The following PIK3AP1 variants were observed in gnomAD, a reference collection of about 807,000 sequenced individuals.
PIK3AP1 encodes phosphoinositide-3-kinase adaptor protein 1.
A neutral mutation model predicts 88.1 loss-of-function variants in PIK3AP1; 21 were observed. That is an observed-to-expected ratio of 0.24 (90% CI 0.17 to 0.34). PIK3AP1 has a LOEUF of 0.34. PIK3AP1 is among the 10% of genes least tolerant of loss of function. The probability of loss-of-function intolerance (pLI) is 1.00; values close to 1 mark genes in which losing one functional copy is unlikely to be tolerated. For synonymous variants in PIK3AP1, 398 were observed against 400.0 expected (o/e 1.00, Z 0.06); for missense variants, 828 against 1,035.7 (o/e 0.80, Z 2.75).
intron 12 of PIK3AP1, chr10:96,618,601 AAAAG>A (rs1843033235): frequency 6.6e-6 from 1 of 152,594 alleles, no homozygotes; most frequent in Admixed American, 6.5e-5. Context: ...AAAAAAAAAA[AAAAG>A]AAAAAAAGAA....
chr10:96,616,705 G>A lies in PIK3AP1; in HGVS notation c.1948C>T (p.Leu650Phe). The A allele has an allele frequency of 1.2e-6, 2 of 1,614,154 alleles. No homozygotes were observed. The highest frequency in any genetic ancestry group is 1.7e-6 in the Non-Finnish European group (2 of 1,180,020). The change falls in exon 13 of 17, where the codon CTT becomes TTT. Residue 650 changes from leucine (L) to phenylalanine (F), a missense_variant. Transcript: ENST00000339364. ...SESFRFQQEN[L>F]KRLRDSITRR... ...GTGATGCTGTCTCTTAGCCGTTTAA[G>A]ATTTTCCTGGAAAAAAATTTGGTTT...
At chr10:96,622,873 C>T (rs181763995) in intron 11 of PIK3AP1, among the ~76,000 whole-genome samples, 606 of 152,312 alleles carry the variant, frequency 4.0e-3, no homozygotes, top group Middle Eastern at 0.017. Flanking sequence ...TCCCCAATGG[C>T]AAGCAAAATA....
chr10:96,610,985 C>G (rs895103403), intron 13 of PIK3AP1, among the ~76,000 whole-genome samples: 1 of 152,158 alleles, frequency 6.6e-6, no homozygotes, highest in Non-Finnish European at 1.5e-5. Context: ...CCACTTCCTC[C>G]TCCACCTCTA....
intron 8 of PIK3AP1, among the ~76,000 whole-genome samples, chr10:96,631,534 G>T (rs552534290): frequency 3.2e-4 from 49 of 152,308 alleles, no homozygotes; most frequent in African/African-American, 1.2e-3. Flanking sequence ...TCCACTTTGG[G>T]TACTATAACC....
rs776780994 is a variant in PIK3AP1, at chr10:96,629,930, A to AAAAAAAAAAGAAG, written c.1376-1438_1376-1437insCTTCTTTTTTTTT. On this transcript the variant is annotated intron_variant, in intron 8 of 16. Coordinates refer to ENST00000339364, the MANE Select transcript of PIK3AP1 (RefSeq NM_152309.3). Reference sequence around the variant, plus strand: ...CAACCAAAAAAAAAAAAAAAAAAAAAAAGAAGAAGAAGAAGAAGAAGAAGA... The same window carrying AAAAAAAAAAGAAG: ...CAACCAAAAAAAAAAAAAAAAAAAAAAAAAAAAAAGAAGAAGAAGAAGAAGAAGAAGAAGAAGA... Among the ~76,000 whole-genome samples, 82 of 13,676 alleles carry AAAAAAAAAAGAAG rather than the reference A, an allele frequency of 6.0e-3. 10 individuals carry two copies. Among genetic ancestry groups the AAAAAAAAAAGAAG allele is most frequent in the Non-Finnish European group, 9.9e-3 (60 of 6,054 alleles). The allele number at this position is 13,676 out of a possible 152,430, so 9.0% of individuals were successfully genotyped here. A position where few individuals can be genotyped will look rare whatever the true frequency, so the allele number is the denominator to read the frequency against.
rs143382090 is a variant in PIK3AP1, at chr10:96,596,317, C to T, written c.2361-683G>A. Reference sequence around the variant, plus strand: ...TGTCCCATGGAAACCACAATAAAAGCTCTTGTCCACATTTTCCCCTGCTCC... The same window carrying T: ...TGTCCCATGGAAACCACAATAAAAGTTCTTGTCCACATTTTCCCCTGCTCC... On this transcript the variant is annotated intron_variant, in intron 16 of 16. Transcript: ENST00000339364. Among the ~76,000 whole-genome samples, 10 of 152,292 alleles carry T rather than the reference C, an allele frequency of 6.6e-5. No individual in the cohort carries two copies. The East Asian group carries it at 1.9e-3, about 29-fold the overall frequency.
chr10:96,712,889 A>T (rs1281189657), intron 1 of PIK3AP1, among the ~76,000 whole-genome samples: 1 of 152,268 alleles, frequency 6.6e-6, no homozygotes, highest in African/African-American at 2.4e-5. Context: ...TATGCGTATC[A>T]TGTCAACAAT....
chr10:96,672,935 A>G (rs1462600662), intron 2 of PIK3AP1, among the ~76,000 whole-genome samples: 1 of 152,224 alleles, frequency 6.6e-6, no homozygotes, highest in African/African-American at 2.4e-5. Context: ...CACATGTGAC[A>G]GAGATGACTA....
At chr10:96,680,061 C>G (rs567642736) in intron 2 of PIK3AP1, among the ~76,000 whole-genome samples, 7 of 152,272 alleles carry the variant, frequency 4.6e-5, no homozygotes, top group African/African-American at 1.7e-4. Context: ...ATCTCCCTTA[C>G]CTTGCAACTC....
chr10:96,698,899 C>G (rs1459244797), intron 2 of PIK3AP1, among the ~76,000 whole-genome samples: 2 of 151,998 alleles, frequency 1.3e-5, no homozygotes, highest in African/African-American at 4.8e-5. Flanking sequence ...AATATTAGGC[C>G]CGGCGTAGTG....
Position 96,609,750 on chromosome 10 carries a change from C to T in PIK3AP1, c.2132G>A (p.Arg711Gln), listed in dbSNP as rs754633544. The T allele has an allele frequency of 2.5e-5, 41 of 1,614,064 alleles. No homozygotes were observed. The highest frequency in any genetic ancestry group is 3.3e-5 in the Non-Finnish European group (39 of 1,179,972). ...SVIPPRTELR[R>Q]GDWKTDSTSS... The stretch of plus-strand genomic sequence containing the variant: ...GGTGCTGTCTGTTTTCCAGTCTCCT[C>T]GTCTCAGCTCCGTCCTAGGGGGAAT... Residue 711 changes from arginine to glutamine, a missense_variant, in exon 14 of 17, where the codon CGA becomes CAA. By Grantham distance (43) the Arg-to-Gln change is conservative. This residue lies in a region of PIK3AP1 where 191 missense variants were observed against 208.6 expected (regional missense o/e 0.92). Transcript: ENST00000339364.
intron 1 of PIK3AP1, among the ~76,000 whole-genome samples, chr10:96,711,397 AC>A (rs1488925587): frequency 6.6e-6 from 1 of 152,260 alleles, no homozygotes. Flanking sequence ...CATGAATTCA[AC>A]AAACTGTTCT....
rs1167669803 is a variant in PIK3AP1, at chr10:96,625,125, A to G, written c.1669+1583T>C. 2.0e-5 allele frequency among the ~76,000 whole-genome samples: 3 copies of G among 152,232 alleles called. No individual in the cohort carries two copies. In the East Asian group the frequency reaches 5.8e-4, roughly 29 times the overall value. ...CCTAGGAATGACTAGAACACAATGT[A>G]GAATGCGCAACTAAGAATTCTCCCA... is the stretch of plus-strand genomic sequence containing the variant. On this transcript the variant is annotated intron_variant, in intron 10 of 16. Transcript: ENST00000339364.
At chr10:96,643,623 A>G (rs1175388533) in intron 8 of PIK3AP1, among the ~76,000 whole-genome samples, 2 of 152,192 alleles carry the variant, frequency 1.3e-5, no homozygotes, top group African/African-American at 4.8e-5. Context: ...CTGAATGGCA[A>G]ACACCTAACA....
intron 2 of PIK3AP1, among the ~76,000 whole-genome samples, chr10:96,682,980 A>G (rs1262757561): frequency 6.6e-6 from 1 of 152,340 alleles, no homozygotes; most frequent in East Asian, 1.9e-4. Flanking sequence ...ACTTAGTAAC[A>G]TACACTTATT....
intron 2 of PIK3AP1, among the ~76,000 whole-genome samples, chr10:96,688,525 G>C (rs143571555): frequency 6.6e-6 from 1 of 152,138 alleles, no homozygotes; most frequent in Non-Finnish European, 1.5e-5. Context: ...TAGGCTGGGC[G>C]CGGTGGCTCA....
At position 96,711,998 on chromosome 10, in the gene PIK3AP1, C is replaced by T. The variant is rs556868382; in HGVS notation, c.14-2015G>A. 2.6e-3 allele frequency among the ~76,000 whole-genome samples: 400 copies of T among 152,052 alleles called. 1 individual carries two copies. Among genetic ancestry groups the T allele is most frequent in the African/African-American group, 9.2e-3 (382 of 41,478 alleles). ...CTCGATCTCCTGACCTCGTGATCCACCCACCTCAGCCTCCCAAAGTGCTGG... is the reference window on the plus strand; with the variant it reads ...CTCGATCTCCTGACCTCGTGATCCATCCACCTCAGCCTCCCAAAGTGCTGG... On this transcript the variant is annotated intron_variant, in intron 1 of 16. Coordinates refer to ENST00000339364, the MANE Select transcript of PIK3AP1 (RefSeq NM_152309.3).
intron 8 of PIK3AP1, among the ~76,000 whole-genome samples, chr10:96,640,760 C>T (rs536388929): frequency 9.9e-5 from 15 of 151,902 alleles, no homozygotes; most frequent in Non-Finnish European, 1.6e-4. Context: ...CAGGCTCAAG[C>T]GATTCTCCCA....
chr10:96,630,884 G>T (rs920493169), intron 8 of PIK3AP1, among the ~76,000 whole-genome samples: 3 of 152,076 alleles, frequency 2.0e-5, no homozygotes, highest in African/African-American at 7.2e-5. Context: ...TATTCTACAG[G>T]TGTGTGCCCT....
Sources: gnomAD v4.1 joint callset for allele counts (sites outside exome capture counted in the v4.1 genomes callset) on GRCh38, gnomAD v4.1.1 for gene constraint, gnomAD v4.1.1 regional missense constraint, MANE v1.5 for transcripts, NCBI Gene and HGNC (gene_info 2026-07-23, HGNC 2026-07-21) for gene names.